Variants in ATRN observed in about 807,000 individuals in gnomAD.
ATRN encodes the protein attractin-2.
A neutral mutation model predicts 178.7 loss-of-function variants in ATRN; 54 were observed. That is an observed-to-expected ratio of 0.30 (90% CI 0.24 to 0.38). The LOEUF is 0.38. ATRN is among the 10% of genes least tolerant of loss of function. The pLI is 1.00. For missense variants in ATRN, 1,443 were observed against 1,815.1 expected (o/e 0.79, Z 3.73); for synonymous variants, 636 against 663.0 (o/e 0.96, Z 0.63).
chr20:3,508,546 C>T (rs2085079019), intron 1 of ATRN, among the ~76,000 whole-genome samples: 1 of 152,140 alleles, frequency 6.6e-6, no homozygotes, highest in South Asian at 2.1e-4. Context: ...CTTCTATATC[C>T]AGTAGAAAAT....
chr20:3,596,530 AGC>A, intron 21 of ATRN, 101 bp downstream of exon 21: 1 of 1,095,748 alleles, frequency 9.1e-7, no homozygotes, highest in Non-Finnish European at 1.4e-6. Context: ...AGACTATAGC[AGC>A]CACCAATGAA....
At chr20:3,504,513 TAA>T (rs34116812) in intron 1 of ATRN, among the ~76,000 whole-genome samples, 27,142 of 115,934 alleles carry the variant, frequency 0.23, 3,587 homozygotes, top group African/African-American at 0.31. Context: ...TCGTCTCTAC[TAA>T]AAAAAAAAAA....
intron 11 of ATRN, among the ~76,000 whole-genome samples, chr20:3,568,246 C>T (rs1012814349): frequency 2.0e-5 from 3 of 150,912 alleles, no homozygotes; most frequent in East Asian, 1.9e-4. Context: ...GAGCTGAGAT[C>T]GCGCCACTGC....
At chr20:3,557,656 A>G (rs1793695130) in intron 6 of ATRN, among the ~76,000 whole-genome samples, 1 of 152,204 alleles carries the variant, frequency 6.6e-6, no homozygotes, top group African/African-American at 2.4e-5. Flanking sequence ...TCAGGACTAA[A>G]TAACTATGGA....
chr20:3,591,948 C>T (rs1029046452), intron 19 of ATRN, among the ~76,000 whole-genome samples: 2 of 152,192 alleles, frequency 1.3e-5, no homozygotes, highest in Non-Finnish European at 2.9e-5. Context: ...CTTAACTGCA[C>T]CTCTCTCAGA....
Position 3,591,299 on chromosome 20 carries a change from A to G in ATRN, c.3315A>G (p.Lys1105=), listed in dbSNP as rs906924281. The G allele has an allele frequency of 6.2e-7, 1 of 1,613,630 alleles. No homozygotes were observed. Among genetic ancestry groups the G allele is most frequent in the Admixed American group, 1.7e-5 (1 of 59,968 alleles). The change falls in exon 19 of 29, where the codon AAA becomes AAG. Residue 1105 remains lysine, a synonymous_variant. Coordinates refer to ENST00000262919, the MANE Select transcript of ATRN (RefSeq NM_139321.3). ...ACGGTGATCCCACCAATGGAGGGAAATGTCAGCGTAAGTCAAATTGGTCAG... is the reference window on the plus strand; with the variant it reads ...ACGGTGATCCCACCAATGGAGGGAAGTGTCAGCGTAAGTCAAATTGGTCAG... ...GFYGDPTNGG[K]CQPCKCNGHA...
At chr20:3,592,047 G>A (rs904981592) in intron 19 of ATRN, among the ~76,000 whole-genome samples, 1 of 152,130 alleles carries the variant, frequency 6.6e-6, no homozygotes, top group Non-Finnish European at 1.5e-5. Flanking sequence ...AATCACACAC[G>A]GGCTTTTTAA....
intron 1 of ATRN, among the ~76,000 whole-genome samples, chr20:3,507,393 C>T (rs942604539): frequency 4.2e-5 from 6 of 143,834 alleles, no homozygotes; most frequent in African/African-American, 1.3e-4. Context: ...TGCGACAGAG[C>T]GAAACTCCGT....
intron 27 of ATRN, among the ~76,000 whole-genome samples, chr20:3,639,617 C>T (rs558357637): frequency 3.3e-4 from 50 of 152,056 alleles, no homozygotes; most frequent in Non-Finnish European, 5.9e-4. Context: ...TGTATTAATA[C>T]TCTGTGGAAA....
chr20:3,523,006 T>C (rs937841988), intron 1 of ATRN, among the ~76,000 whole-genome samples: 1 of 152,112 alleles, frequency 6.6e-6, no homozygotes, highest in Non-Finnish European at 1.5e-5. Flanking sequence ...ACGCCTCTTC[T>C]TCTCCAGAGG....
At chr20:3,642,700 A>G (rs900835478) in intron 27 of ATRN, among the ~76,000 whole-genome samples, 1 of 152,160 alleles carries the variant, frequency 6.6e-6, no homozygotes, top group African/African-American at 2.4e-5. Flanking sequence ...TCTTCAGCCA[A>G]ACTGAAGAAA....
chr20:3,542,148 G>A (rs1021385129), intron 3 of ATRN, among the ~76,000 whole-genome samples: 1 of 152,226 alleles, frequency 6.6e-6, no homozygotes, highest in Non-Finnish European at 1.5e-5. Flanking sequence ...GAGTGTATAT[G>A]TTTATGCCAG....
rs372277803 is a variant in ATRN at position 3,516,996 on chromosome 20, A to G, written c.411-18257A>G. ...GAATGAATTATAATCCTTTGGGTAT[A>G]TACCCAGTAATGGGATTGTTGGGTC... On this transcript the variant is annotated intron_variant, in intron 1 of 28. Coordinates refer to ENST00000262919, the MANE Select transcript of ATRN (RefSeq NM_139321.3). 2.6e-5 allele frequency among the ~76,000 whole-genome samples: 4 copies of G among 152,232 alleles called. No homozygotes were observed. The East Asian group carries it at 7.7e-4, about 29-fold the overall frequency.
chr20:3,498,793 C>T (rs1375027809), intron 1 of ATRN, among the ~76,000 whole-genome samples: 1 of 147,316 alleles, frequency 6.8e-6, no homozygotes, highest in Non-Finnish European at 1.5e-5. Flanking sequence ...TGCCCTCTCT[C>T]ACCACTCCTA....
At chr20:3,492,897 A>T (rs1600025346) in intron 1 of ATRN, among the ~76,000 whole-genome samples, 1 of 146,976 alleles carries the variant, frequency 6.8e-6, no homozygotes, top group South Asian at 2.1e-4. Context: ...ACACACACAC[A>T]TAACTAATAT....
At chr20:3,486,278 A>G (rs6037612) in intron 1 of ATRN, among the ~76,000 whole-genome samples, 7,825 of 152,112 alleles carry the variant, frequency 0.051, 609 homozygotes, top group African/African-American at 0.17. Flanking sequence ...TTTCACTTTT[A>G]CCACTGCCCC....
intron 25 of ATRN, among the ~76,000 whole-genome samples, chr20:3,631,067 G>A (rs2086986670): frequency 6.6e-6 from 1 of 150,548 alleles, no homozygotes; most frequent in African/African-American, 2.5e-5. Context: ...CCTCACCTCA[G>A]TCTCCCAAGT....
rs238723 is a variant in ATRN at position 3,489,419 on chromosome 20, A to G, written c.410+17902A>G. ...GTTTCTACAGGATGCATGCTAGACC[A>G]TGAGACTACGTAGCAAAGGGTCTTT... On this transcript the variant is annotated intron_variant, in intron 1 of 28. Transcript: ENST00000262919. 8.7e-3 allele frequency: 6,069 copies of G among 697,234 alleles called. 105 individuals are homozygous for G. Among genetic ancestry groups the G allele is most frequent in the African/African-American group, 0.054 (3,068 of 56,804 alleles). 43.2% of individuals were successfully genotyped at this position (697,234 alleles called of 1,614,324 possible).
At chr20:3,525,442 C>G (rs1213968229) in intron 1 of ATRN, among the ~76,000 whole-genome samples, 1 of 152,108 alleles carries the variant, frequency 6.6e-6, no homozygotes, top group South Asian at 2.1e-4. Context: ...CAGGCCCAGA[C>G]AGATTCACAG....
Sources: gnomAD v4.1 joint callset for allele counts (sites outside exome capture counted in the v4.1 genomes callset) on GRCh38, gnomAD v4.1.1 for gene constraint, MANE v1.5 for transcripts, NCBI Gene and HGNC (gene_info 2026-07-23, HGNC 2026-07-21) for gene names.